The following PDE4D variants were observed in gnomAD, a reference collection of about 807,000 sequenced individuals.
PDE4D encodes the protein phosphodiesterase 4D, also known as 3',5'-cyclic-AMP phosphodiesterase 4D.
Under a neutral mutation model 87.4 loss-of-function variants are expected in PDE4D, and 24 were observed. The ratio of observed to expected loss-of-function variants is 0.27; its 90% CI spans 0.20 to 0.39. PDE4D has a LOEUF of 0.39. PDE4D is among the 10% of genes least tolerant of loss of function. PDE4D has a pLI of 1.00. For missense variants in PDE4D, 714 were observed against 1,041.0 expected (o/e 0.69, Z 4.32); for synonymous variants, 384 against 383.2 (o/e 1.00, Z -0.02).
chr5:59,176,500 G>A (rs1009032071), intron 5 of PDE4D, among the ~76,000 whole-genome samples: 8 of 151,362 alleles, frequency 5.3e-5, no homozygotes, highest in African/African-American at 1.9e-4. Context: ...GTTGCAGTGA[G>A]CCTCAGATCG....
At position 60,155,726 on chromosome 5, in the gene PDE4D, A is replaced by C. The variant is rs191930060; in HGVS notation, c.42+29831T>G. Among the ~76,000 whole-genome samples the C allele has an allele frequency of 2.1e-3, 314 of 152,310 alleles. 4 individuals carry two copies. Among genetic ancestry groups the C allele is most frequent in the African/African-American group, 7.3e-3 (304 of 41,576 alleles). ...TAACTGCAGAGGTTCAGGTAGAATA[A>C]ATTTTCATGTTTCCTCTATCTCAAC... On this transcript the variant is annotated intron_variant, in intron 2 of 16. Coordinates refer to the PDE4D transcript ENST00000502484.
At chr5:59,870,184 T>C (rs1379020385) in intron 1 of PDE4D, among the ~76,000 whole-genome samples, 2 of 152,244 alleles carry the variant, frequency 1.3e-5, no homozygotes, top group Non-Finnish European at 2.9e-5. Flanking sequence ...TGAGAGCAAA[T>C]TATTTAATAA....
chr5:59,990,386 C>T (rs1762883444), intron 2 of PDE4D, among the ~76,000 whole-genome samples: 1 of 152,230 alleles, frequency 6.6e-6, no homozygotes, highest in Admixed American at 6.5e-5. Context: ...TCACTCTTCA[C>T]ATTGATTCCC....
intron 5 of PDE4D, among the ~76,000 whole-genome samples, chr5:59,103,553 C>G (rs910550637): frequency 6.6e-6 from 1 of 152,038 alleles, no homozygotes; most frequent in African/African-American, 2.4e-5. Context: ...TAGCCTGGAG[C>G]TAGGCAGAAG....
intron 1 of PDE4D, chr5:59,275,220 A>T: frequency 1.3e-6 from 1 of 773,866 alleles, no homozygotes; most frequent in Non-Finnish European, 2.1e-6. Context: ...AGAATAAAAG[A>T]GCCGCCAATA....
intron 1 of PDE4D, among the ~76,000 whole-genome samples, chr5:59,380,275 C>T (rs556885526): frequency 6.6e-6 from 1 of 150,622 alleles, no homozygotes; most frequent in Admixed American, 6.6e-5. Flanking sequence ...ATAGGACTCA[C>T]CACATGAAAA....
intron 1 of PDE4D, among the ~76,000 whole-genome samples, chr5:59,566,542 G>A (rs1476576798): frequency 1.7e-5 from 2 of 114,320 alleles, no homozygotes; most frequent in East Asian, 2.2e-4. Context: ...TCATGTGTGT[G>A]TGTGTGTGTG....
Position 60,325,947 on chromosome 5 carries a change from T to A in PDE4D, c.-89-140260A>T, listed in dbSNP as rs185785626. The stretch of plus-strand genomic sequence containing the variant: ...AACCCTTGGGGATTGGCTTTTTCCA[T>A]TCAGCATAATTCTCTCAAGATTCAT... On this transcript the variant is annotated intron_variant, in intron 1 of 16. Coordinates refer to the PDE4D transcript ENST00000502484. Among the ~76,000 whole-genome samples, 39 of 152,292 alleles carry A rather than the reference T, an allele frequency of 2.6e-4. No homozygotes were observed. The East Asian group carries it at 7.5e-3, about 29-fold the overall frequency.
chr5:59,149,010 C>A (rs1293157290), intron 5 of PDE4D, among the ~76,000 whole-genome samples: 1 of 152,072 alleles, frequency 6.6e-6, no homozygotes, highest in Non-Finnish European at 1.5e-5. Flanking sequence ...GATGCCAGAC[C>A]TGTTTGGTAG....
chr5:60,376,703 C>G (rs994252351), intron 1 of PDE4D, among the ~76,000 whole-genome samples: 3 of 152,320 alleles, frequency 2.0e-5, no homozygotes, highest in South Asian at 2.1e-4. Flanking sequence ...GCCTCTACCC[C>G]TCACTGCACA....
rs151122124 is a variant in PDE4D, at chr5:60,380,102, T to C, written c.-90+107840A>G. Among the ~76,000 whole-genome samples, 842 of 152,288 alleles carry C rather than the reference T, an allele frequency of 5.5e-3. 8 individuals are homozygous for C. The highest frequency in any genetic ancestry group is 0.019 in the African/African-American group (799 of 41,544). On this transcript the variant is annotated intron_variant, in intron 1 of 16. Transcript: ENST00000502484. ...GTTTCACTTGCGTATAGGAAAGTCA[T>C]GGGTGATTGAGCTTAAAAATGAGCT...
intron 1 of PDE4D, among the ~76,000 whole-genome samples, chr5:59,296,087 TCTGA>T (rs1561902873): frequency 2.0e-5 from 3 of 151,708 alleles, no homozygotes; most frequent in Admixed American, 6.6e-5. Context: ...AAAAAAAAAA[TCTGA>T]CTGGCCTAAC....
chr5:60,494,388 C>A (rs1333665462), intron 1 of PDE4D, among the ~76,000 whole-genome samples: 1 of 152,184 alleles, frequency 6.6e-6, no homozygotes. Flanking sequence ...TCACCACCTG[C>A]AGCACTGCTG....
At chr5:59,094,947 G>A (rs185192854) in intron 5 of PDE4D, among the ~76,000 whole-genome samples, 118 of 151,872 alleles carry the variant, frequency 7.8e-4, no homozygotes, top group African/African-American at 2.4e-3. Context: ...CATTGAATCC[G>A]GGAATCAACA....
chr5:60,177,080 A>G (rs1040075654), intron 2 of PDE4D, among the ~76,000 whole-genome samples: 9 of 152,122 alleles, frequency 5.9e-5, no homozygotes, highest in African/African-American at 2.2e-4. Context: ...TTTCTACACT[A>G]TGATTTTTTC....
chr5:59,256,312 A>G (rs1478285764), intron 1 of PDE4D, among the ~76,000 whole-genome samples: 1 of 152,008 alleles, frequency 6.6e-6, no homozygotes, highest in Non-Finnish European at 1.5e-5. Flanking sequence ...CAAAAACCAA[A>G]TGGTTTATTC....
At chr5:59,113,620 G>A (rs1273011003) in intron 5 of PDE4D, among the ~76,000 whole-genome samples, 3 of 152,126 alleles carry the variant, frequency 2.0e-5, no homozygotes, top group Non-Finnish European at 4.4e-5. Flanking sequence ...AACATAAAGC[G>A]AAGTGGTACA....
chr5:59,434,631 A>C (rs908777205), intron 1 of PDE4D, among the ~76,000 whole-genome samples: 1 of 152,152 alleles, frequency 6.6e-6, no homozygotes, highest in Non-Finnish European at 1.5e-5. Context: ...TCAGCTGCAC[A>C]TGAGAAAATT....
At chr5:60,254,615 G>A (rs1241560288) in intron 1 of PDE4D, among the ~76,000 whole-genome samples, 3 of 151,794 alleles carry the variant, frequency 2.0e-5, no homozygotes, top group Non-Finnish European at 4.4e-5. Flanking sequence ...AAATCATCTA[G>A]GTAAACCATG....
Sources: gnomAD v4.1 joint callset for allele counts (sites outside exome capture counted in the v4.1 genomes callset) on GRCh38, gnomAD v4.1.1 for gene constraint, MANE v1.5 for transcripts, NCBI Gene and HGNC (gene_info 2026-07-23, HGNC 2026-07-21) for gene names.